Variants in ROBO2 observed in about 807,000 individuals in gnomAD.
The protein encoded by ROBO2 is roundabout homolog 2.
Under a neutral mutation model 160.8 loss-of-function variants are expected in ROBO2, and 53 were observed. The ratio of observed to expected loss-of-function variants is 0.33; its 90% CI spans 0.26 to 0.41. ROBO2 has a LOEUF of 0.41. ROBO2 is among the 10% of genes least tolerant of loss of function. The pLI is 1.00. For missense variants in ROBO2, 1,577 were observed against 1,722.4 expected (o/e 0.92, Z 1.49); for synonymous variants, 664 against 611.7 (o/e 1.09, Z -1.26).
Position 77,289,127 on chromosome 3 carries a change from T to C in ROBO2, c.389-188287T>C, listed in dbSNP as rs887598426. On this transcript the variant is annotated intron_variant, in intron 2 of 25. Coordinates refer to ENST00000461745, the Ensembl canonical transcript of ROBO2. ...GGATTGTACAGTCTAGTGGGTGAAG[T>C]TGGTTGAAGTTTATTTATAGGCTCT... Among the ~76,000 whole-genome samples the C allele has an allele frequency of 1.9e-4, 29 of 152,210 alleles. 1 individual carries two copies. The highest frequency in any genetic ancestry group is 6.3e-4 in the African/African-American group (26 of 41,550).
At chr3:77,195,095 C>T (rs939656459) in intron 2 of ROBO2, among the ~76,000 whole-genome samples, 1 of 152,052 alleles carries the variant, frequency 6.6e-6, no homozygotes, top group Non-Finnish European at 1.5e-5. Flanking sequence ...CAGTGCCTAA[C>T]CACCCCTTCA....
intron 2 of ROBO2, among the ~76,000 whole-genome samples, chr3:76,847,555 A>C: frequency 6.6e-6 from 1 of 152,208 alleles, no homozygotes; most frequent in East Asian, 1.9e-4. Context: ...GAAACCTAGT[A>C]GTGAACATAA....
intron 2 of ROBO2, among the ~76,000 whole-genome samples, chr3:76,216,341 C>A (rs1032775403): frequency 6.6e-6 from 1 of 152,146 alleles, no homozygotes; most frequent in Non-Finnish European, 1.5e-5. Context: ...GGACTAAATA[C>A]TCCAATTAAA....
chr3:77,404,872 A>G (rs1443309723), intron 2 of ROBO2, among the ~76,000 whole-genome samples: 2 of 152,198 alleles, frequency 1.3e-5, no homozygotes, highest in Non-Finnish European at 2.9e-5. Flanking sequence ...CTGATTTTGA[A>G]TAATAGATTT....
intron 2 of ROBO2, among the ~76,000 whole-genome samples, chr3:76,279,578 G>A (rs978027582): frequency 4.6e-5 from 7 of 151,866 alleles, no homozygotes; most frequent in African/African-American, 7.2e-5. Context: ...GAGAATTACT[G>A]TTCACACTTT....
At chr3:76,580,328 G>GTTTTTTTTTTTTTTTTGTTTTTTTTTTT (rs748888426) in intron 2 of ROBO2, among the ~76,000 whole-genome samples, 2 of 67,326 alleles carry the variant, frequency 3.0e-5, no homozygotes, top group Non-Finnish European at 5.4e-5. Flanking sequence ...TTTTTTTTTT[G>GTTTTTTTTTTTTTTTTGTTTTTTTTTTT]TTTTTTTTTT....
chr3:77,442,399 T>A (rs7430084), intron 2 of ROBO2, among the ~76,000 whole-genome samples: 38 of 152,312 alleles, frequency 2.5e-4, no homozygotes, highest in Admixed American at 4.6e-4. Flanking sequence ...ATGGTCATTC[T>A]GTAAAACTAT....
At chr3:77,557,610 AT>A in intron 8 of ROBO2, among the ~76,000 whole-genome samples, 1 of 151,900 alleles carries the variant, frequency 6.6e-6, no homozygotes, top group East Asian at 1.9e-4. Flanking sequence ...AGCTATTCAA[AT>A]TTTAATTTTA....
intron 2 of ROBO2, among the ~76,000 whole-genome samples, chr3:76,749,780 G>T (rs1485678045): frequency 6.6e-6 from 1 of 152,032 alleles, no homozygotes; most frequent in African/African-American, 2.4e-5. Context: ...TTGGCAGTCT[G>T]TTGATAAGGG....
intron 2 of ROBO2, among the ~76,000 whole-genome samples, chr3:75,940,054 A>G (rs956287552): frequency 2.6e-5 from 4 of 152,164 alleles, no homozygotes; most frequent in African/African-American, 9.6e-5. Context: ...ATTATTTCAC[A>G]TAATTTCTTA....
chr3:77,295,810 G>A (rs186290983), intron 2 of ROBO2, among the ~76,000 whole-genome samples: 4 of 124,738 alleles, frequency 3.2e-5, no homozygotes, highest in African/African-American at 9.2e-5. Flanking sequence ...TGAGGCTAGA[G>A]CACTAAAGAC....
chr3:77,112,151 C>A (rs367552326), intron 2 of ROBO2, among the ~76,000 whole-genome samples: 7 of 146,368 alleles, frequency 4.8e-5, no homozygotes, highest in Non-Finnish European at 1.0e-4. Flanking sequence ...GAGATCGCGC[C>A]GCCGTCGCAT....
At chr3:76,462,117 C>A (rs1026934569) in intron 2 of ROBO2, among the ~76,000 whole-genome samples, 6 of 152,200 alleles carry the variant, frequency 3.9e-5, no homozygotes, top group Admixed American at 2.0e-4. Context: ...CTTTTCTCAG[C>A]CTGGCTGAAT....
At chr3:76,076,575 T>C (rs1040438343) in intron 2 of ROBO2, among the ~76,000 whole-genome samples, 2 of 152,226 alleles carry the variant, frequency 1.3e-5, no homozygotes, top group African/African-American at 4.8e-5. Flanking sequence ...GTAAAGTCTT[T>C]TATGCAAGCT....
chr3:76,863,895 T>C (rs1441761044), intron 2 of ROBO2, among the ~76,000 whole-genome samples: 2 of 152,108 alleles, frequency 1.3e-5, no homozygotes, highest in Non-Finnish European at 2.9e-5. Flanking sequence ...TGTCTTTTGT[T>C]GAAGCTTAAT....
At chr3:77,385,460 A>C (rs1318147711) in intron 2 of ROBO2, among the ~76,000 whole-genome samples, 2 of 152,212 alleles carry the variant, frequency 1.3e-5, no homozygotes, top group African/African-American at 4.8e-5. Flanking sequence ...ATCCCATTGT[A>C]ATGGTACCCA....
chr3:76,141,077 A>ATATATATAT (rs1553656028), intron 2 of ROBO2, among the ~76,000 whole-genome samples: 30 of 105,890 alleles, frequency 2.8e-4, no homozygotes, highest in Non-Finnish European at 3.7e-4. Flanking sequence ...ATATATATAT[A>ATATATATAT]AAATATATGT....
intron 2 of ROBO2, among the ~76,000 whole-genome samples, chr3:77,171,226 A>ACTCCTGG (rs2079602995): frequency 6.6e-6 from 1 of 152,188 alleles, no homozygotes; most frequent in Non-Finnish European, 1.5e-5. Context: ...ACTGGCAAAC[A>ACTCCTGG]ACAAGAGAGG....
intron 2 of ROBO2, among the ~76,000 whole-genome samples, chr3:76,792,959 A>G (rs1239437720): frequency 1.3e-5 from 2 of 151,856 alleles, no homozygotes; most frequent in East Asian, 1.9e-4. Context: ...ATTTTCTTAA[A>G]TTATGCTATA....
Sources: allele counts gnomAD v4.1 joint callset (sites outside exome capture counted in the v4.1 genomes callset), GRCh38; gene constraint gnomAD v4.1.1; transcripts MANE v1.5; gene names NCBI Gene and HGNC (gene_info 2026-07-23, HGNC 2026-07-21).